The following CNTN5 variants were observed in gnomAD, a reference collection of about 807,000 sequenced individuals.
CNTN5 encodes the protein contactin-5.
CNTN5 carries 77 observed loss-of-function variants against 129.1 expected under a neutral mutation model. The observed-to-expected ratio is 0.60, with a 90% confidence interval of 0.50 to 0.72. The LOEUF (loss-of-function observed/expected upper bound fraction) is 0.72, where lower values mean the gene tolerates loss of function less well. CNTN5 is among the 30% of genes least tolerant of loss of function. The pLI is 0.00. For synonymous variants in CNTN5, 509 were observed against 465.6 expected, an observed-to-expected ratio of 1.09 and a Z score of -1.20; for missense variants, 1,478 against 1,328.8, an observed-to-expected ratio of 1.11 and a Z score of -1.75.
At chr11:100,073,377 C>G (rs1332610018) in intron 12 of CNTN5, among the ~76,000 whole-genome samples, 1 of 152,030 alleles carries the variant, frequency 6.6e-6, no homozygotes, top group Non-Finnish European at 1.5e-5. Flanking sequence ...ATCTCTTAAC[C>G]TATCTCAATT....
intron 2 of CNTN5, among the ~76,000 whole-genome samples, chr11:99,372,669 C>A (rs746249106): frequency 6.6e-6 from 1 of 151,852 alleles, no homozygotes; most frequent in Non-Finnish European, 1.5e-5. Context: ...TAGAATAGGA[C>A]GCACTTTTTT....
At chr11:100,227,628 C>A (rs1949406211) in intron 16 of CNTN5, among the ~76,000 whole-genome samples, 1 of 152,100 alleles carries the variant, frequency 6.6e-6, no homozygotes, top group Non-Finnish European at 1.5e-5. Flanking sequence ...AGTGAACCAG[C>A]ATTATCACAG....
At chr11:99,061,420 G>A (rs938822077) in intron 1 of CNTN5, among the ~76,000 whole-genome samples, 9 of 152,048 alleles carry the variant, frequency 5.9e-5, no homozygotes, top group Non-Finnish European at 1.3e-4. Context: ...AACTGAGTTT[G>A]CAAAGACACC....
At chr11:100,051,888 A>C (rs1476303788) in intron 9 of CNTN5, among the ~76,000 whole-genome samples, 2 of 151,912 alleles carry the variant, frequency 1.3e-5, no homozygotes, top group African/African-American at 2.4e-5. Flanking sequence ...AACTGGCACA[A>C]GTAGAAACAG....
At chr11:99,861,531 G>A (rs957063926) in intron 6 of CNTN5, among the ~76,000 whole-genome samples, 27 of 152,022 alleles carry the variant, frequency 1.8e-4, no homozygotes, top group African/African-American at 6.5e-4. Flanking sequence ...GCAATATGTA[G>A]TTTCATATTA....
At position 99,265,142 on chromosome 11, in the gene CNTN5, A is replaced by C. The variant is rs573491173; in HGVS notation, c.-209-60204A>C. On this transcript the variant is annotated intron_variant, in intron 1 of 24. Transcript: ENST00000524871. ...CTTTCCAAAAGAATTAAAAAAAAAT[A>C]GTAACTTGAAAAGGACCTAGAAGAG... Among the ~76,000 whole-genome samples, 23 of 152,144 alleles carry C rather than the reference A, an allele frequency of 1.5e-4. 1 individual carries two copies. The South Asian group carries it at 4.8e-3, about 31-fold the overall frequency.
chr11:99,966,805 A>T (rs1010238445), intron 8 of CNTN5, among the ~76,000 whole-genome samples: 6 of 152,204 alleles, frequency 3.9e-5, no homozygotes, highest in African/African-American at 1.4e-4. Flanking sequence ...CCTAATGTTG[A>T]ACAAAAAAAG....
At chr11:99,227,919 C>T (rs1288849557) in intron 1 of CNTN5, among the ~76,000 whole-genome samples, 2 of 152,044 alleles carry the variant, frequency 1.3e-5, no homozygotes, top group Non-Finnish European at 2.9e-5. Context: ...GATTTATACG[C>T]ACTATTGAAA....
intron 1 of CNTN5, among the ~76,000 whole-genome samples, chr11:99,149,764 C>A (rs577284660): frequency 6.6e-6 from 1 of 152,120 alleles, no homozygotes; most frequent in East Asian, 1.9e-4. Flanking sequence ...CATAAAGTCT[C>A]AATTTTTTTT....
At chr11:99,071,309 C>T (rs979439920) in intron 1 of CNTN5, among the ~76,000 whole-genome samples, 1 of 152,026 alleles carries the variant, frequency 6.6e-6, no homozygotes, top group Admixed American at 6.6e-5. Flanking sequence ...GTAAAACACA[C>T]TAATGCTTCT....
chr11:99,293,089 A>G (rs1864237903), intron 1 of CNTN5, among the ~76,000 whole-genome samples: 1 of 148,052 alleles, frequency 6.8e-6, no homozygotes, highest in Admixed American at 6.8e-5. Flanking sequence ...CTGTATTGAG[A>G]TATGTGCCTT....
chr11:99,190,927 T>A (rs1208128438), intron 1 of CNTN5, among the ~76,000 whole-genome samples: 1 of 151,656 alleles, frequency 6.6e-6, no homozygotes, highest in Non-Finnish European at 1.5e-5. Flanking sequence ...TTTCTGGTCT[T>A]AGAGGGATAG....
intron 12 of CNTN5, among the ~76,000 whole-genome samples, 163 bp from the exon 13 acceptor site, chr11:100,073,978 TTAA>T (rs1312590842): frequency 6.6e-6 from 1 of 152,192 alleles, no homozygotes; most frequent in African/African-American, 2.4e-5. Context: ...TACATATTAA[TTAA>T]TAATAAGTAA....
Position 99,346,543 on chromosome 11 carries a change from G to A in CNTN5, c.-71+21059G>A, listed in dbSNP as rs139054636. On this transcript the variant is annotated intron_variant, in intron 2 of 24. Coordinates refer to ENST00000524871, the MANE Select transcript of CNTN5 (RefSeq NM_014361.4). Reference sequence around the variant, plus strand: ...GGAGGTGTCAGCTCTCCCACAAGGTGTACCCTGCTGGCAATAGTCACAGCT... The same window carrying A: ...GGAGGTGTCAGCTCTCCCACAAGGTATACCCTGCTGGCAATAGTCACAGCT... 1.8e-3 allele frequency among the ~76,000 whole-genome samples: 274 copies of A among 152,302 alleles called. 3 individuals carry two copies. The highest frequency in any genetic ancestry group is 6.3e-3 in the African/African-American group (264 of 41,576).
Position 99,753,993 on chromosome 11 carries a change from A to G in CNTN5, c.56-65551A>G, listed in dbSNP as rs547984916. On this transcript the variant is annotated intron_variant, in intron 3 of 24. Transcript: ENST00000524871. ...CTGAGCCACGGCACCCTGCCAAAAAAAAAAAATAAATAACAACAACAAAAA... is the reference window on the plus strand; with the variant it reads ...CTGAGCCACGGCACCCTGCCAAAAAGAAAAAATAAATAACAACAACAAAAA... Among the ~76,000 whole-genome samples the G allele has an allele frequency of 6.1e-5, 9 of 147,430 alleles. No homozygotes were observed. The East Asian group carries it at 2.2e-3, about 36-fold the overall frequency.
chr11:100,028,077 A>G (rs936870581), intron 9 of CNTN5, among the ~76,000 whole-genome samples: 2 of 148,684 alleles, frequency 1.3e-5, no homozygotes, highest in African/African-American at 4.9e-5. Flanking sequence ...AAATTATGGG[A>G]AAAAAAACAG....
At chr11:99,335,600 G>C (rs1866186961) in intron 2 of CNTN5, among the ~76,000 whole-genome samples, 1 of 152,036 alleles carries the variant, frequency 6.6e-6, no homozygotes, top group African/African-American at 2.4e-5. Context: ...CAAGTATATG[G>C]AGCTTCATCT....
At chr11:99,913,745 G>A (rs1284273713) in intron 6 of CNTN5, among the ~76,000 whole-genome samples, 2 of 152,014 alleles carry the variant, frequency 1.3e-5, no homozygotes, top group African/African-American at 4.8e-5. Flanking sequence ...ATTTAGGACT[G>A]TTTTCTATTA....
chr11:99,429,375 C>G (rs530630669), intron 2 of CNTN5, among the ~76,000 whole-genome samples: 2 of 152,138 alleles, frequency 1.3e-5, no homozygotes, highest in East Asian at 3.9e-4. Context: ...ACTTTTATTC[C>G]ACCCCTACTT....
Sources: gnomAD v4.1 joint callset for allele counts (sites outside exome capture counted in the v4.1 genomes callset) on GRCh38, gnomAD v4.1.1 for gene constraint, MANE v1.5 for transcripts, NCBI Gene and HGNC (gene_info 2026-07-23, HGNC 2026-07-21) for gene names.